The following ITPRID2 variants were observed in gnomAD, a reference collection of about 807,000 sequenced individuals.
ITPRID2 encodes ITPR interacting domain containing 2.
Under a neutral mutation model 124.3 loss-of-function variants are expected in ITPRID2, and 60 were observed. The ratio of observed to expected loss-of-function variants is 0.48; its 90% CI spans 0.39 to 0.60. ITPRID2 has a LOEUF of 0.60. Among genes scored for constraint, ITPRID2 ranks in the 20% least tolerant of loss-of-function variants. The probability of loss-of-function intolerance (pLI) is 0.00; values close to 1 mark genes in which losing one functional copy is unlikely to be tolerated. For synonymous variants in ITPRID2, 521 were observed against 542.9 expected (o/e 0.96, Z 0.56); for missense variants, 1,553 against 1,512.2 (o/e 1.03, Z -0.45).
At chr2:181,928,400 A>T (rs1197874560) in intron 17 of ITPRID2, 122 bp downstream of exon 17, 1 of 553,100 alleles carries the variant, frequency 1.8e-6, no homozygotes, top group African/African-American at 1.9e-5. Flanking sequence ...AATGTATGTA[A>T]TATGTTATTT....
chr2:181,900,578 G>T, intron 6 of ITPRID2, 118 bp from the exon 7 acceptor site: 1 of 732,416 alleles, frequency 1.4e-6, no homozygotes. Flanking sequence ...CAGAGCAGAA[G>T]CTGAGAAAAA....
intron 8 of ITPRID2, among the ~76,000 whole-genome samples, chr2:181,908,144 G>A (rs1370042298): frequency 6.6e-6 from 1 of 152,138 alleles, no homozygotes; most frequent in Non-Finnish European, 1.5e-5. Flanking sequence ...TGTGGCAGGT[G>A]GATCGCTTGA....
chr2:181,892,743 C>T lies in ITPRID2; in HGVS notation c.257+83C>T, dbSNP rs1332933178. ...GAGCAGAGCCACTCGGGCCGCGTCC[C>T]TGTGGGTCCCGCGACCGTTGTAAGC... On this transcript the variant is annotated intron_variant, in intron 2 of 17. Transcript: ENST00000431877. The surrounding 1 kb of genome is among the most constrained non-coding windows in gnomAD (Gnocchi z 5.2). 14 of 1,526,888 alleles carry T rather than the reference C, an allele frequency of 9.2e-6. No individual in the cohort carries two copies. The highest frequency in any genetic ancestry group is 1.1e-5 in the Non-Finnish European group (12 of 1,104,296). 94.6% of individuals were successfully genotyped at this position (1,526,888 alleles called of 1,614,324 possible). A position where few individuals can be genotyped will look rare whatever the true frequency, so the allele number is the denominator to read the frequency against.
chr2:181,927,271 T>C (rs1188881519), intron 16 of ITPRID2, among the ~76,000 whole-genome samples: 2 of 152,222 alleles, frequency 1.3e-5, no homozygotes, highest in African/African-American at 4.8e-5. Context: ...TTTTAAAAGC[T>C]TGTTGAGAGT....
Position 181,902,105 on chromosome 2 carries a change from A to C in ITPRID2, c.1052A>C (p.Glu351Ala). ...TCTCAAAAAATTATGAAGAAGAAAG[A>C]GTCATCTTCTATGTTGGCTACAGTT... The part of the protein sequence containing the change: ...QKSQKIMKKK[E>A]SSSMLATVKE... Residue 351 changes from glutamate to alanine, a missense_variant, in exon 8 of 18, where the codon GAG becomes GCG. Transcript: ENST00000431877. The surrounding 1 kb of genome is among the most constrained non-coding windows in gnomAD (Gnocchi z 4.4). 1 of 1,612,066 alleles carries C rather than the reference A, an allele frequency of 6.2e-7. No homozygotes were observed. Among genetic ancestry groups the C allele is most frequent in the Non-Finnish European group, 8.5e-7 (1 of 1,179,250 alleles).
rs1357313437 is a variant in ITPRID2 at position 181,929,793 on chromosome 2, T to A, written c.*246T>A. 5 of 496,174 alleles carry A rather than the reference T, an allele frequency of 1.0e-5. No homozygotes were observed. The highest frequency in any genetic ancestry group is 7.9e-5 in the African/African-American group (4 of 50,418). 30.7% of individuals were successfully genotyped at this position (496,174 alleles called of 1,614,324 possible). A position where few individuals can be genotyped will look rare whatever the true frequency, so the allele number is the denominator to read the frequency against. On this transcript the variant is annotated 3_prime_UTR_variant, in exon 18 of 18. Coordinates refer to ENST00000431877, the MANE Select transcript of ITPRID2 (RefSeq NM_001130445.3). ...TCTAGCAGTTTGAAAAGCCTAATAT[T>A]TATTTGTATGTCAGTATTTTTCATT...
chr2:181,897,125 C>T (rs1241499102), intron 4 of ITPRID2, among the ~76,000 whole-genome samples, 161 bp downstream of exon 4: 1 of 151,894 alleles, frequency 6.6e-6, no homozygotes, highest in Non-Finnish European at 1.5e-5. Flanking sequence ...ATAATCTAGT[C>T]ATAGTCTGTA....
At chr2:181,918,238 C>A in intron 11 of ITPRID2, 1 of 946,588 alleles carries the variant, frequency 1.1e-6, no homozygotes, top group Non-Finnish European at 1.3e-6. Context: ...GCTTGCTCTC[C>A]AGCAAAGTTA....
chr2:181,912,787 C>T (rs1693704178), intron 9 of ITPRID2, among the ~76,000 whole-genome samples: 1 of 152,110 alleles, frequency 6.6e-6, no homozygotes, highest in Non-Finnish European at 1.5e-5. Flanking sequence ...TGTGAACATA[C>T]TTGCTATGCT....
At position 181,892,776 on chromosome 2, in the gene ITPRID2, C is replaced by T. The variant is rs1691864040; in HGVS notation, c.257+116C>T. The T allele has an allele frequency of 1.6e-6, 2 of 1,250,494 alleles. No individual in the cohort carries two copies. The highest frequency in any genetic ancestry group is 2.3e-6 in the Non-Finnish European group (2 of 869,312). The allele number at this position is 1,250,494 out of a possible 1,614,324, so 77.5% of individuals were successfully genotyped here. ...CCCGCGACCGTTGTAAGCTACAAAC[C>T]GGAAAGTGAGCCGGCGGATAGCTTC... On this transcript the variant is annotated intron_variant, in intron 2 of 17. Coordinates refer to ENST00000431877, the MANE Select transcript of ITPRID2 (RefSeq NM_001130445.3). This position sits in a 1 kb window ranked among gnomAD's most constrained non-coding sequence, Gnocchi z 5.2.
intron 16 of ITPRID2, among the ~76,000 whole-genome samples, chr2:181,925,746 T>C (rs553089843): frequency 6.6e-6 from 1 of 152,192 alleles, no homozygotes; most frequent in Non-Finnish European, 1.5e-5. Context: ...CCTTCTGCTC[T>C]CTAGAGGGAA....
chr2:181,893,164 A>G (rs547534135), intron 2 of ITPRID2: 29 of 160,394 alleles, frequency 1.8e-4, no homozygotes, highest in Non-Finnish European at 3.2e-4. Context: ...CTTCTTGAAC[A>G]TGGAATTGTC....
At position 181,902,197 on chromosome 2, in the gene ITPRID2, G is replaced by A. The variant is rs1293295851; in HGVS notation, c.1144G>A (p.Glu382Lys). The A allele has an allele frequency of 3.7e-6, 6 of 1,613,608 alleles. No homozygotes were observed. The highest frequency in any genetic ancestry group is 5.1e-6 in the Non-Finnish European group (6 of 1,179,712). Residue 382 changes from glutamate (E) to lysine (K), a missense_variant, in exon 8 of 18, where the codon GAA becomes AAA. Coordinates refer to ENST00000431877, the MANE Select transcript of ITPRID2 (RefSeq NM_001130445.3). The surrounding 1 kb of genome is among the most constrained non-coding windows in gnomAD (Gnocchi z 4.4). ...TGCTGATAGTGATAGAATTTCTGAT[G>A]AAGCAAATAGTAATTTTAACCAAGG... is the stretch of plus-strand genomic sequence containing the variant. Reference protein sequence around the residue: ...ENADSDRISDEANSNFNQGTE... With the variant: ...ENADSDRISDKANSNFNQGTE...
At chr2:181,903,129 C>G (rs1418157937) in intron 8 of ITPRID2, among the ~76,000 whole-genome samples, 1 of 152,130 alleles carries the variant, frequency 6.6e-6, no homozygotes, top group African/African-American at 2.4e-5. Context: ...ATAAAAGATA[C>G]TTATTTTGAA....
At chr2:181,906,496 G>A (rs1272675973) in intron 8 of ITPRID2, among the ~76,000 whole-genome samples, 1 of 152,084 alleles carries the variant, frequency 6.6e-6, no homozygotes, top group Non-Finnish European at 1.5e-5. Context: ...TCCCAGCACT[G>A]TGTGGAGGCT....
chr2:181,930,092 T>C lies in ITPRID2; in HGVS notation c.*545T>C, dbSNP rs1009823458. ...GGGGAGGTTACTAATAGCAGTAGGATAGAATTTTATGAGGTTACCTACAAC... is the reference window on the plus strand; with the variant it reads ...GGGGAGGTTACTAATAGCAGTAGGACAGAATTTTATGAGGTTACCTACAAC... On this transcript the variant is annotated 3_prime_UTR_variant, in exon 18 of 18. Coordinates refer to ENST00000431877, the MANE Select transcript of ITPRID2 (RefSeq NM_001130445.3). 6.5e-6 allele frequency: 1 copy of C among 153,058 alleles called. No homozygotes were observed. Among genetic ancestry groups the C allele is most frequent in the Non-Finnish European group, 1.5e-5 (1 of 68,374 alleles). 9.5% of individuals were successfully genotyped at this position (153,058 alleles called of 1,614,324 possible).
chr2:181,894,569 A>G (rs1039256226), intron 2 of ITPRID2: 4 of 152,158 alleles, frequency 2.6e-5, no homozygotes, highest in African/African-American at 9.7e-5. Context: ...TTGGGCATCT[A>G]TGTATTTTGT....
intron 8 of ITPRID2, among the ~76,000 whole-genome samples, chr2:181,909,582 G>A (rs912815258): frequency 6.6e-6 from 1 of 152,134 alleles, no homozygotes; most frequent in Non-Finnish European, 1.5e-5. Context: ...ACTTGACTAC[G>A]ATGTTCTTTA....
chr2:181,929,275 A>C (rs770473118), intron 17 of ITPRID2, among the ~76,000 whole-genome samples: 1 of 151,978 alleles, frequency 6.6e-6, no homozygotes, highest in African/African-American at 2.4e-5. Context: ...ATATTCATTG[A>C]ATAAGACATG....
Sources: allele counts gnomAD v4.1 joint callset (sites outside exome capture counted in the v4.1 genomes callset), GRCh38; gene constraint gnomAD v4.1.1; non-coding constraint Gnocchi (gnomAD v3.1); transcripts MANE v1.5; gene names NCBI Gene and HGNC (gene_info 2026-07-23, HGNC 2026-07-21).